COL23A1: variants seen among roughly 807,000 people sequenced by gnomAD.
COL23A1 encodes the protein collagen alpha-1(XXIII) chain.
In COL23A1, 97 loss-of-function variants were observed where a neutral mutation model predicts 99.3. The ratio of observed to expected loss-of-function variants is 0.98; its 90% CI spans 0.83 to 1.16. The LOEUF (loss-of-function observed/expected upper bound fraction) is 1.16. COL23A1 is among the 50% of genes most tolerant of loss of function. The pLI, the probability that COL23A1 is intolerant of heterozygous loss-of-function variation, is 0.00. For synonymous variants in COL23A1, 320 were observed against 308.2 expected, an observed-to-expected ratio of 1.04 and a Z score of -0.40; for missense variants, 762 against 757.4, an observed-to-expected ratio of 1.01 and a Z score of -0.07.
intron 1 of COL23A1, among the ~76,000 whole-genome samples, chr5:178,578,669 C>A (rs917616600): frequency 6.6e-6 from 1 of 151,802 alleles, no homozygotes. Flanking sequence ...CCCACCCACC[C>A]CTGCCCCCCA....
intron 2 of COL23A1, among the ~76,000 whole-genome samples, chr5:178,513,641 T>C (rs980076027): frequency 6.6e-6 from 1 of 152,026 alleles, no homozygotes; most frequent in African/African-American, 2.4e-5. Flanking sequence ...CCTGCTGTAA[T>C]TGAGGGTGGA....
chr5:178,321,736 G>A (rs979524606), intron 2 of COL23A1, among the ~76,000 whole-genome samples: 4 of 152,030 alleles, frequency 2.6e-5, no homozygotes, highest in Non-Finnish European at 4.4e-5. Flanking sequence ...TGATCCACCC[G>A]CCTCAGCCTC....
At chr5:178,244,784 G>A (rs1441381770) in intron 25 of COL23A1, among the ~76,000 whole-genome samples, 1 of 152,172 alleles carries the variant, frequency 6.6e-6, no homozygotes, top group African/African-American at 2.4e-5. Flanking sequence ...GCTACCAGAA[G>A]AGACTTGACA....
intron 2 of COL23A1, among the ~76,000 whole-genome samples, chr5:178,550,699 C>A (rs1761951950): frequency 6.6e-6 from 1 of 152,114 alleles, no homozygotes; most frequent in African/African-American, 2.4e-5. Flanking sequence ...CTGAACCTGT[C>A]CCCCAGGAAA....
At chr5:178,247,356 A>G (rs1387902719) in intron 22 of COL23A1, among the ~76,000 whole-genome samples, 170 bp downstream of exon 22, 1 of 152,120 alleles carries the variant, frequency 6.6e-6, no homozygotes, top group Non-Finnish European at 1.5e-5. Context: ...ATTGGCCTCA[A>G]CGACATCGGG....
intron 2 of COL23A1, among the ~76,000 whole-genome samples, chr5:178,465,352 C>T (rs907974504): frequency 2.0e-5 from 3 of 152,132 alleles, no homozygotes; most frequent in East Asian, 1.9e-4. Context: ...TTAGCGTGAC[C>T]GGACTCCCTA....
At chr5:178,561,031 GA>G (rs919915424) in intron 1 of COL23A1, among the ~76,000 whole-genome samples, 33 of 152,344 alleles carry the variant, frequency 2.2e-4, no homozygotes, top group African/African-American at 7.7e-4. Context: ...AGTTACGACA[GA>G]AACAGCGTCC....
At chr5:178,484,084 T>C (rs13358869) in intron 2 of COL23A1, among the ~76,000 whole-genome samples, 1,590 of 152,122 alleles carry the variant, frequency 0.01, 31 homozygotes, top group African/African-American at 0.036. Flanking sequence ...TGCCACCACA[T>C]CTGCCTAATT....
rs1758470368 is a variant in COL23A1, at chr5:178,308,184, G to A, written c.362-1265C>T. Among the ~76,000 whole-genome samples the A allele has an allele frequency of 6.6e-6, 1 of 152,028 alleles. No individual in the cohort carries two copies. The highest frequency in any genetic ancestry group is 1.9e-4 in the East Asian group (1 of 5,198). ...ACTTTTGTTAAGGGAAGGGGAGGAG[G>A]GAGGGCCAGTCTCTGAGAAACAGCG... On this transcript the variant is annotated intron_variant, in intron 2 of 28. Transcript: ENST00000390654. The surrounding 1 kb of genome is among the most constrained non-coding windows in gnomAD (Gnocchi z 5.1).
rs117683640 is a variant in COL23A1 at position 178,344,217 on chromosome 5, C to T, written c.362-37298G>A. Among the ~76,000 whole-genome samples, 76 of 152,320 alleles carry T rather than the reference C, an allele frequency of 5.0e-4. 1 individual carries two copies. In the East Asian group the frequency reaches 0.013, roughly 27 times the overall value. On this transcript the variant is annotated intron_variant, in intron 2 of 28. Transcript: ENST00000390654. ...CAAGTCCCTTACAGAAGATAATGTC[C>T]TATTTGCACATAGCTTACACACATC...
intron 2 of COL23A1, among the ~76,000 whole-genome samples, chr5:178,515,054 C>T (rs1172835778): frequency 1.3e-5 from 2 of 152,256 alleles, no homozygotes; most frequent in Non-Finnish European, 2.9e-5. Context: ...AGAAAGTTGA[C>T]GCAGGTTGGA....
At chr5:178,539,176 T>A (rs1306832690) in intron 2 of COL23A1, among the ~76,000 whole-genome samples, 2 of 152,158 alleles carry the variant, frequency 1.3e-5, no homozygotes, top group African/African-American at 4.8e-5. Context: ...CTGTGTATAC[T>A]CTAAGAACCA....
chr5:178,246,446 T>C lies in COL23A1; in HGVS notation c.1304A>G (p.Asp435Gly), dbSNP rs1165084388. ...LQGIQGPKGL[D>G]GAKGEKGASG... is the part of the protein sequence containing the mutation. ...CGCACCCTTCTCTCCCTTTGCTCCA[T>C]CCAAGCCCTGGAGGCAAAGGAGGGA... Residue 435 changes from aspartate (D) to glycine (G), a missense_variant, in exon 23 of 29, where the codon GAT becomes GGT. By Grantham distance (94) the Asp-to-Gly change is moderately conservative. Coordinates refer to ENST00000390654, the MANE Select transcript of COL23A1 (RefSeq NM_173465.4). 3 of 1,569,334 alleles carry C rather than the reference T, an allele frequency of 1.9e-6. No homozygotes were observed. Among genetic ancestry groups the C allele is most frequent in the Non-Finnish European group, 2.6e-6 (3 of 1,156,286 alleles).
Position 178,242,407 on chromosome 5 carries a change from T to C in COL23A1, c.1441-13A>G, listed in dbSNP as rs753195359. The C allele has an allele frequency of 6.8e-6, 11 of 1,613,828 alleles. No individual in the cohort carries two copies. The African/African-American group carries it at 1.2e-4, about 18-fold the overall frequency. ...GTCCAGGGAAACCCTGACAAAAGGA[T>C]TAGATGCTAAACCCGAAAATGAGGC... On this transcript the variant is annotated splice_polypyrimidine_tract_variant and intron_variant, in intron 25 of 28. Coordinates refer to ENST00000390654, the MANE Select transcript of COL23A1 (RefSeq NM_173465.4).
At chr5:178,476,671 A>T (rs1562005973) in intron 2 of COL23A1, among the ~76,000 whole-genome samples, 1 of 152,212 alleles carries the variant, frequency 6.6e-6, no homozygotes, top group Non-Finnish European at 1.5e-5. Context: ...GCATTCTGTG[A>T]ACTCCACAAG....
chr5:178,256,842 C>T, intron 14 of COL23A1, 24 bp downstream of exon 14: 3 of 1,608,106 alleles, frequency 1.9e-6, no homozygotes, highest in Non-Finnish European at 2.5e-6. Context: ...CCGCAGGCGC[C>T]AGAGCAGAGA....
chr5:178,539,215 C>T (rs73344421), intron 2 of COL23A1, among the ~76,000 whole-genome samples: 2,133 of 152,172 alleles, frequency 0.014, 54 homozygotes, highest in African/African-American at 0.048. Context: ...ACAGATGAAC[C>T]GTACGGTGTC....
intron 1 of COL23A1, among the ~76,000 whole-genome samples, chr5:178,564,998 G>A (rs962022749): frequency 1.3e-5 from 2 of 152,222 alleles, no homozygotes; most frequent in East Asian, 1.9e-4. Context: ...CCGTAAAACA[G>A]TGGGAATGGT....
intron 17 of COL23A1, 145 bp downstream of exon 17, chr5:178,252,399 G>A (rs1765083299): frequency 1.6e-6 from 1 of 613,798 alleles, no homozygotes; most frequent in South Asian, 2.6e-5. Context: ...CTCAGCCTGG[G>A]AGCCCAGGCC....
Sources: allele counts gnomAD v4.1 joint callset (sites outside exome capture counted in the v4.1 genomes callset), GRCh38; gene constraint gnomAD v4.1.1; non-coding constraint Gnocchi (gnomAD v3.1); transcripts MANE v1.5; gene names NCBI Gene and HGNC (gene_info 2026-07-23, HGNC 2026-07-21).